The following UBR3 variants were observed in gnomAD, a reference collection of about 807,000 sequenced individuals.
UBR3 encodes the protein E3 ubiquitin-protein ligase UBR3.
UBR3 carries 85 observed loss-of-function variants against 243.2 expected under a neutral mutation model. That is an observed-to-expected ratio of 0.35 (90% confidence interval 0.29 to 0.42). The LOEUF (loss-of-function observed/expected upper bound fraction) is 0.42. Among genes scored for constraint, UBR3 ranks in the 10% least tolerant of loss-of-function variants. UBR3 has a pLI of 1.00. For synonymous variants in UBR3, 748 were observed against 799.8 expected (o/e 0.94, Z 1.09); for missense variants, 1,686 against 2,300.8 (o/e 0.73, Z 5.47).
At chr2:169,947,829 T>G (rs1332520850) in intron 22 of UBR3, 114 bp downstream of exon 22, 4 of 1,249,138 alleles carry the variant, frequency 3.2e-6, no homozygotes, top group Middle Eastern at 3.1e-4. Context: ...TGTAGATAAC[T>G]TTAAATTGTC....
chr2:169,829,506 C>T (rs1290542487), intron 1 of UBR3, among the ~76,000 whole-genome samples: 1 of 150,416 alleles, frequency 6.6e-6, no homozygotes, highest in Non-Finnish European at 1.5e-5. Context: ...TCACTGAAAC[C>T]TCCGCCCCCT....
chr2:170,041,248 TG>T (rs1255888959), intron 32 of UBR3, among the ~76,000 whole-genome samples: 1 of 152,202 alleles, frequency 6.6e-6, no homozygotes, highest in African/African-American at 2.4e-5. Flanking sequence ...TAACAGACAT[TG>T]TTTTTTCTAT....
At chr2:169,998,388 T>C (rs62171992) in intron 26 of UBR3, among the ~76,000 whole-genome samples, 8,962 of 152,328 alleles carry the variant, frequency 0.059, 320 homozygotes, top group Non-Finnish European at 0.086. Context: ...TGGATTATAC[T>C]CTGTTGTGTT....
chr2:169,981,947 G>T (rs891627602), intron 24 of UBR3, among the ~76,000 whole-genome samples: 1 of 152,192 alleles, frequency 6.6e-6, no homozygotes, highest in African/African-American at 2.4e-5. Flanking sequence ...ATAGTGTGCA[G>T]TGGGAGTTTT....
At chr2:169,941,457 C>A (rs1036278297) in intron 19 of UBR3, among the ~76,000 whole-genome samples, 1 of 152,124 alleles carries the variant, frequency 6.6e-6, no homozygotes, top group East Asian at 1.9e-4. Context: ...TGAATTATTT[C>A]TGGAGATTTT....
At chr2:170,057,394 C>T (rs2091358599) in intron 33 of UBR3, among the ~76,000 whole-genome samples, 1 of 152,152 alleles carries the variant, frequency 6.6e-6, no homozygotes, top group South Asian at 2.1e-4. Flanking sequence ...GCTGGGATTA[C>T]AGGCATGAGC....
At chr2:169,877,455 T>G in intron 3 of UBR3, 39 bp from the exon 4 acceptor site, 1 of 1,499,736 alleles carries the variant, frequency 6.7e-7, no homozygotes, top group Non-Finnish European at 8.9e-7. Flanking sequence ...AGATTTTGAA[T>G]GGAATATTTT....
At chr2:169,902,331 C>T (rs2084856208) in intron 8 of UBR3, among the ~76,000 whole-genome samples, 1 of 152,174 alleles carries the variant, frequency 6.6e-6, no homozygotes, top group African/African-American at 2.4e-5. Context: ...TCACTTTTTA[C>T]ATTACACTTC....
intron 1 of UBR3, among the ~76,000 whole-genome samples, chr2:169,840,695 GAC>G (rs1379626285): frequency 6.6e-6 from 1 of 152,168 alleles, no homozygotes; most frequent in Non-Finnish European, 1.5e-5. Flanking sequence ...CCTGCCCTGT[GAC>G]AGTTCTCTGC....
At chr2:169,854,758 A>G (rs1433876437) in intron 1 of UBR3, among the ~76,000 whole-genome samples, 1 of 152,150 alleles carries the variant, frequency 6.6e-6, no homozygotes, top group Non-Finnish European at 1.5e-5. Context: ...TCAAGCTAAC[A>G]TAGTTATAAA....
chr2:169,895,095 C>T, intron 6 of UBR3, 86 bp from the exon 7 acceptor site: 1 of 1,273,438 alleles, frequency 7.9e-7, no homozygotes, highest in Non-Finnish European at 1.0e-6. Context: ...AGATACTTTC[C>T]CATTTTATGG....
chr2:169,928,713 G>T lies in UBR3; in HGVS notation c.2425-14G>T. ...TTTTTGTTACTAATATTTTTTTCTT[G>T]ACATATATATCATATTCCAGAAAAT... is the stretch of plus-strand genomic sequence containing the variant. On this transcript the variant is annotated splice_polypyrimidine_tract_variant and intron_variant, in intron 17 of 38. Coordinates refer to ENST00000272793, the MANE Select transcript of UBR3 (RefSeq NM_172070.4). The T allele has an allele frequency of 6.9e-7, 1 of 1,445,812 alleles. No individual in the cohort carries two copies. The allele number at this position is 1,445,812 out of a possible 1,614,324, so 89.6% of individuals were successfully genotyped here.
chr2:169,848,235 G>A (rs964757429), intron 1 of UBR3, among the ~76,000 whole-genome samples: 1 of 151,136 alleles, frequency 6.6e-6, no homozygotes, highest in Non-Finnish European at 1.5e-5. Flanking sequence ...GGATGAAGGG[G>A]TTAACCCAAC....
chr2:170,062,561 T>C (rs1356098211), intron 35 of UBR3, among the ~76,000 whole-genome samples: 1 of 152,248 alleles, frequency 6.6e-6, no homozygotes, highest in Non-Finnish European at 1.5e-5. Flanking sequence ...ATATTTTCTT[T>C]CACAGTTTTT....
At chr2:170,015,169 C>T in intron 29 of UBR3, 112 bp from the exon 30 acceptor site, 2 of 853,136 alleles carry the variant, frequency 2.3e-6, no homozygotes, top group South Asian at 2.1e-5. Flanking sequence ...ACTGCTTTTG[C>T]AAAAAATAAA....
chr2:169,852,873 A>AAAAAAAAAC (rs2082709056), intron 1 of UBR3, among the ~76,000 whole-genome samples: 1 of 143,210 alleles, frequency 7.0e-6, no homozygotes, highest in African/African-American at 2.5e-5. Context: ...AAAAAAAAAA[A>AAAAAAAAAC]AAAAACAAAA....
intron 33 of UBR3, among the ~76,000 whole-genome samples, chr2:170,058,459 TTTTTTC>T (rs374744246): frequency 1.9e-4 from 29 of 152,086 alleles, no homozygotes; most frequent in African/African-American, 4.6e-4. Context: ...ATTTCTTTTC[TTTTTTC>T]TTTTTCTTTT....
intron 1 of UBR3, among the ~76,000 whole-genome samples, chr2:169,862,903 A>G (rs1186808305): frequency 6.6e-6 from 1 of 152,172 alleles, no homozygotes; most frequent in Non-Finnish European, 1.5e-5. Flanking sequence ...CTCTCCAGGA[A>G]TCTCCATGAA....
intron 5 of UBR3, among the ~76,000 whole-genome samples, chr2:169,884,848 T>A (rs1423146095): frequency 6.6e-6 from 1 of 152,212 alleles, no homozygotes; most frequent in Non-Finnish European, 1.5e-5. Flanking sequence ...AAGTATTTTT[T>A]AACATATATT....
Sources: gnomAD v4.1 joint callset for allele counts (sites outside exome capture counted in the v4.1 genomes callset) on GRCh38, gnomAD v4.1.1 for gene constraint, MANE v1.5 for transcripts, NCBI Gene and HGNC (gene_info 2026-07-23, HGNC 2026-07-21) for gene names.